PRSS12: variants seen among roughly 807,000 people sequenced by gnomAD.
PRSS12 encodes the protein neurotrypsin.
PRSS12 carries 85 observed loss-of-function variants against 104.4 expected under a neutral mutation model. The observed-to-expected ratio is 0.81, with a 90% CI of 0.68 to 0.98. The LOEUF is 0.98. PRSS12 is among the 50% of genes least tolerant of loss of function. PRSS12 has a pLI of 0.00. For missense variants in PRSS12, 1,141 were observed against 1,139.2 expected (o/e 1.00, Z -0.02); for synonymous variants, 454 against 425.2 (o/e 1.07, Z -0.83).
intron 8 of PRSS12, among the ~76,000 whole-genome samples, chr4:118,299,188 A>G (rs1181342080): frequency 6.6e-6 from 1 of 152,202 alleles, no homozygotes; most frequent in Non-Finnish European, 1.5e-5. Flanking sequence ...AGAAACTTAC[A>G]TTTAATGGCA....
intron 8 of PRSS12, among the ~76,000 whole-genome samples, chr4:118,299,770 A>AAAAT (rs1279511956): frequency 0.017 from 750 of 45,122 alleles, 17 homozygotes; most frequent in African/African-American, 0.024. Flanking sequence ...AAAATTAAAT[A>AAAAT]AAATAAAATA....
Position 118,282,172 on chromosome 4 carries a change from A to T in PRSS12, c.2392T>A (p.Tyr798Asn), listed in dbSNP as rs1010987080. ...ATTCTCCCTGTAAACCGACCCTTAT[A>T]ACGTTCTTCACAAAACCTTTTAGGA... ...LLPKRFCEER[Y>N]KGRFTGRMLC... The change falls in exon 13 of 13, where the codon TAT becomes AAT. Residue 798 changes from tyrosine (Y) to asparagine (N), a missense_variant. Tyr to Asn is a moderately radical substitution (Grantham distance 143). Coordinates refer to ENST00000296498, the MANE Select transcript of PRSS12 (RefSeq NM_003619.4). 1 of 1,614,154 alleles carries T rather than the reference A, an allele frequency of 6.2e-7. No homozygotes were observed. Among genetic ancestry groups the T allele is most frequent in the East Asian group, 2.2e-5 (1 of 44,874 alleles).
rs200836722 is a variant in PRSS12 at position 118,282,240 on chromosome 4, C to T, written c.2324G>A (p.Arg775Gln). 1.2e-5 allele frequency: 20 copies of T among 1,614,118 alleles called. No individual in the cohort carries two copies. Among genetic ancestry groups the T allele is most frequent in the South Asian group, 7.7e-5 (7 of 91,042 alleles). ...CYITGWGDTGRAYSRTLQQAA... is the reference protein window; with the variant it reads ...CYITGWGDTGQAYSRTLQQAA... ...TTGTTGTAGTGTTCTTGAATAGGCT[C>T]GTCCTACTCAGACCAAACATCTGAT... is the stretch of plus-strand genomic sequence containing the variant. The change falls in exon 13 of 13, where the codon CGA (arginine) becomes CAA (glutamine). Residue 775 changes from arginine to glutamine, a missense_variant. Transcript: ENST00000296498.
Position 118,352,497 on chromosome 4 carries a change from T to C in PRSS12, c.224A>G (p.Gln75Arg). 1 of 1,381,720 alleles carries C rather than the reference T, an allele frequency of 7.2e-7. No homozygotes were observed. Among genetic ancestry groups the C allele is most frequent in the Non-Finnish European group, 9.3e-7 (1 of 1,072,816 alleles). 85.6% of individuals were successfully genotyped at this position (1,381,720 alleles called of 1,614,324 possible). A position where few individuals can be genotyped will look rare whatever the true frequency, so the allele number is the denominator to read the frequency against. Reference sequence around the variant, plus strand: ...CCCGGCCTGGAGGGCGTGCGGGCGCTGGGCAGGGAGCGCCCGCGGGGGGCG... The same window carrying C: ...CCCGGCCTGGAGGGCGTGCGGGCGCCGGGCAGGGAGCGCCCGCGGGGGGCG... The part of the protein sequence containing the change: ...FPRPPRALPA[Q>R]RPHALQAGHT... The change falls in exon 1 of 13, where the codon CAG becomes CGG. Residue 75 changes from glutamine to arginine, a missense_variant. By Grantham distance (43) the Gln-to-Arg change is conservative. Transcript: ENST00000296498.
chr4:118,313,629 T>C (rs1305873535), intron 6 of PRSS12, among the ~76,000 whole-genome samples: 2 of 152,220 alleles, frequency 1.3e-5, no homozygotes, highest in South Asian at 2.1e-4. Context: ...GAAAAATTAA[T>C]ACTTTTTCCC....
In PRSS12 at chr4:118,282,207, A is replaced by G. The variant is rs1352654657; in HGVS notation, c.2357T>C (p.Ile786Thr). The G allele has an allele frequency of 4.3e-6, 7 of 1,614,242 alleles. 1 individual carries two copies. Among genetic ancestry groups the G allele is most frequent in the Middle Eastern group, 1.6e-4 (1 of 6,062 alleles). ...ACAAAACCTTTTAGGAAGTAAGGGAATGGCTGCTTGTTGTAGTGTTCTTGA... is the reference window on the plus strand; with the variant it reads ...ACAAAACCTTTTAGGAAGTAAGGGAGTGGCTGCTTGTTGTAGTGTTCTTGA... Reference protein sequence around the residue: ...AYSRTLQQAAIPLLPKRFCEE... With the variant: ...AYSRTLQQAATPLLPKRFCEE... Residue 786 changes from isoleucine to threonine, a missense_variant, in exon 13 of 13, where the codon ATT becomes ACT. Physicochemically the swap from Ile to Thr is moderately conservative, Grantham distance 89. Coordinates refer to ENST00000296498, the MANE Select transcript of PRSS12 (RefSeq NM_003619.4).
chr4:118,316,446 T>C (rs1723415985), intron 5 of PRSS12, 123 bp from the exon 6 acceptor site: 1 of 1,209,792 alleles, frequency 8.3e-7, no homozygotes, highest in Non-Finnish European at 1.2e-6. Flanking sequence ...TTGCTAAACT[T>C]ACATTACATC....
intron 8 of PRSS12, among the ~76,000 whole-genome samples, chr4:118,305,371 T>C (rs1743521172): frequency 6.6e-6 from 1 of 152,044 alleles, no homozygotes; most frequent in Non-Finnish European, 1.5e-5. Context: ...TTTTGATGCT[T>C]TTCTTGATTG....
intron 11 of PRSS12, among the ~76,000 whole-genome samples, chr4:118,291,720 A>G (rs1470650794): frequency 2.6e-5 from 4 of 152,148 alleles, no homozygotes; most frequent in Non-Finnish European, 5.9e-5. Flanking sequence ...AAGACAGAAT[A>G]GCAAGGTTCT....
intron 2 of PRSS12, 36 bp downstream of exon 2, chr4:118,338,140 T>C (rs781464888): frequency 6.2e-7 from 1 of 1,613,002 alleles, no homozygotes; most frequent in African/African-American, 1.3e-5. Flanking sequence ...TCTCAAATAC[T>C]AGCTGACTGA....
At chr4:118,296,488 G>T (rs1315937578) in intron 9 of PRSS12, among the ~76,000 whole-genome samples, 3 of 152,190 alleles carry the variant, frequency 2.0e-5, no homozygotes, top group East Asian at 1.9e-4. Context: ...ATATAAAAAG[G>T]TGGTATATGA....
rs543913903 is a variant in PRSS12, at chr4:118,328,551, T to A, written c.971+3165A>T. 3.9e-4 allele frequency among the ~76,000 whole-genome samples: 59 copies of A among 152,122 alleles called. 1 individual carries two copies. Among genetic ancestry groups the A allele is most frequent in the Middle Eastern group, 3.4e-3 (1 of 294 alleles). On this transcript the variant is annotated intron_variant, in intron 4 of 12. Coordinates refer to ENST00000296498, the MANE Select transcript of PRSS12 (RefSeq NM_003619.4). ...ACTGTTTCTATTTAAGTGAAAAAAATATTTGTCTCAAGGAAGAACTCTACA... is the reference window on the plus strand; with the variant it reads ...ACTGTTTCTATTTAAGTGAAAAAAAAATTTGTCTCAAGGAAGAACTCTACA...
chr4:118,311,562 G>A (rs148532729), intron 7 of PRSS12, among the ~76,000 whole-genome samples: 1 of 152,206 alleles, frequency 6.6e-6, no homozygotes, highest in African/African-American at 2.4e-5. Flanking sequence ...AATGATCTAT[G>A]AATGAACAAA....
At chr4:118,324,744 T>C (rs1418191043) in intron 4 of PRSS12, among the ~76,000 whole-genome samples, 2 of 151,904 alleles carry the variant, frequency 1.3e-5, no homozygotes, top group Non-Finnish European at 2.9e-5. Flanking sequence ...GAAGACAGAG[T>C]CTCTGTCGCA....
chr4:118,304,095 A>C (rs1743470868), intron 8 of PRSS12, among the ~76,000 whole-genome samples: 1 of 151,872 alleles, frequency 6.6e-6, no homozygotes. Context: ...GACACCTGAA[A>C]CTTGTTAGCA....
intron 7 of PRSS12, among the ~76,000 whole-genome samples, chr4:118,312,764 G>A (rs943900791): frequency 1.4e-4 from 22 of 151,840 alleles, no homozygotes; most frequent in Admixed American, 1.1e-3. Context: ...ACCAACGAAC[G>A]ACAAGGCTTC....
At chr4:118,305,162 A>C (rs1160366294) in intron 8 of PRSS12, among the ~76,000 whole-genome samples, 1 of 150,984 alleles carries the variant, frequency 6.6e-6, no homozygotes, top group African/African-American at 2.4e-5. Context: ...GAAAATATAC[A>C]TATATGTTCT....
chr4:118,338,157 C>G lies in PRSS12; in HGVS notation c.641+19G>C. 1 of 1,613,844 alleles carries G rather than the reference C, an allele frequency of 6.2e-7. No individual in the cohort carries two copies. The highest frequency in any genetic ancestry group is 1.1e-5 in the South Asian group (1 of 91,054). On this transcript the variant is annotated intron_variant, in intron 2 of 12. Transcript: ENST00000296498. ...TCAAATACTAGCTGACTGATTTGGT[C>G]AGGGATGGGTACACTCACCCCAGCT...
intron 6 of PRSS12, 96 bp from the exon 7 acceptor site, chr4:118,313,493 G>T: frequency 3.1e-6 from 4 of 1,269,982 alleles, no homozygotes; most frequent in Admixed American, 1.8e-5. Flanking sequence ...TCAGTGACAT[G>T]ACTTCAGAGG....
Sources: gnomAD v4.1 joint callset for allele counts (sites outside exome capture counted in the v4.1 genomes callset) on GRCh38, gnomAD v4.1.1 for gene constraint, MANE v1.5 for transcripts, NCBI Gene and HGNC (gene_info 2026-07-23, HGNC 2026-07-21) for gene names.